Variants in PCDHA11 observed in about 807,000 individuals in gnomAD.
PCDHA11 encodes the protein protocadherin alpha-11.
PCDHA11 carries 61 observed loss-of-function variants against 70.3 expected under a neutral mutation model. That is an observed-to-expected ratio of 0.87 (90% confidence interval 0.71 to 1.07). The LOEUF is 1.07. Among genes scored for constraint, PCDHA11 ranks in the 50% least tolerant of loss-of-function variants. The probability of loss-of-function intolerance (pLI) is 0.00; values close to 1 mark genes in which losing one functional copy is unlikely to be tolerated. For synonymous variants in PCDHA11, 633 were observed against 555.1 expected, an observed-to-expected ratio of 1.14 and a Z score of -1.97; for missense variants, 1,324 against 1,237.5, an observed-to-expected ratio of 1.07 and a Z score of -1.05.
intron 1 of PCDHA11, among the ~76,000 whole-genome samples, chr5:140,952,940 G>A (rs2094821781): frequency 6.6e-6 from 1 of 152,066 alleles, no homozygotes. Context: ...AGGAGCAAGA[G>A]AGAGAGAAGG....
Position 141,010,026 on chromosome 5 carries a change from T to C in PCDHA11, c.*89T>C. On this transcript the variant is annotated 3_prime_UTR_variant, in exon 4 of 4. Transcript: ENST00000398640. ...AGCAATTCCCTGCTCCTTTTTCCTA[T>C]CTACATGAGCCCTCTTAGAGACCTC... 1 of 1,574,670 alleles carries C rather than the reference T, an allele frequency of 6.4e-7. No homozygotes were observed. The highest frequency in any genetic ancestry group is 8.6e-7 in the Non-Finnish European group (1 of 1,164,154).
intron 1 of PCDHA11, chr5:140,877,674 G>A: frequency 1.9e-6 from 3 of 1,613,628 alleles, no homozygotes; most frequent in South Asian, 1.1e-5. Flanking sequence ...GGTGCGCGCC[G>A]GGCAAGCCCA....
At chr5:140,885,297 T>G (rs565705321) in intron 1 of PCDHA11, among the ~76,000 whole-genome samples, 30 of 152,302 alleles carry the variant, frequency 2.0e-4, no homozygotes, top group Admixed American at 5.9e-4. Context: ...GAGAGAGACC[T>G]GGTAGGCTTT....
intron 1 of PCDHA11, among the ~76,000 whole-genome samples, chr5:140,939,289 A>G (rs1186126336): frequency 1.3e-5 from 2 of 152,102 alleles, no homozygotes; most frequent in African/African-American, 4.8e-5. Flanking sequence ...TCGTGATCTA[A>G]TCATCTCTAC....
intron 1 of PCDHA11, chr5:140,883,878 C>T: frequency 1.9e-6 from 3 of 1,613,260 alleles, no homozygotes; most frequent in Middle Eastern, 1.7e-4. Context: ...CAGGTGAGCG[C>T]GCGCGACTCT....
intron 3 of PCDHA11, among the ~76,000 whole-genome samples, chr5:140,997,680 G>A (rs954561672): frequency 6.6e-6 from 1 of 151,954 alleles, no homozygotes; most frequent in African/African-American, 2.4e-5. Context: ...GTGTGTGTGT[G>A]TGTGTGTGTG....
intron 1 of PCDHA11, among the ~76,000 whole-genome samples, chr5:140,952,530 A>C (rs246033): frequency 0.56 from 85,631 of 151,920 alleles, 24,768 homozygotes; most frequent in African/African-American, 0.69. Flanking sequence ...ACCTCCTCAG[A>C]CTGGACTTCT....
At chr5:140,894,044 T>C (rs2064295340) in intron 1 of PCDHA11, among the ~76,000 whole-genome samples, 1 of 152,190 alleles carries the variant, frequency 6.6e-6, no homozygotes, top group Admixed American at 6.5e-5. Context: ...ATGTAAGTCC[T>C]CTGTTGAATT....
At chr5:140,917,379 T>C (rs1393963383) in intron 1 of PCDHA11, among the ~76,000 whole-genome samples, 1 of 147,708 alleles carries the variant, frequency 6.8e-6, no homozygotes, top group African/African-American at 2.5e-5. Context: ...TCCACCTCAA[T>C]AGTCTGATGT....
chr5:140,974,043 TATG>T (rs1554235772), intron 1 of PCDHA11, among the ~76,000 whole-genome samples: 1 of 152,238 alleles, frequency 6.6e-6, no homozygotes, highest in Non-Finnish European at 1.5e-5. Flanking sequence ...AGCTTATTAA[TATG>T]ATAATATTTG....
chr5:140,961,071 G>T (rs1344860284), intron 1 of PCDHA11, among the ~76,000 whole-genome samples: 1 of 152,208 alleles, frequency 6.6e-6, no homozygotes, highest in Non-Finnish European at 1.5e-5. Flanking sequence ...GATATCTGGA[G>T]TATCAAGTAA....
chr5:140,967,111 T>G, intron 1 of PCDHA11: 1 of 1,612,990 alleles, frequency 6.2e-7, no homozygotes, highest in East Asian at 2.2e-5. Context: ...AGCAGCGGCC[T>G]CGCTGCCTGC....
At chr5:141,003,761 C>T (rs1371194132) in intron 3 of PCDHA11, among the ~76,000 whole-genome samples, 3 of 152,160 alleles carry the variant, frequency 2.0e-5, no homozygotes, top group Admixed American at 1.3e-4. Flanking sequence ...TAATTATGGT[C>T]GTATTCTGTT....
chr5:140,897,677 G>T (rs1390475923), intron 1 of PCDHA11, among the ~76,000 whole-genome samples: 1 of 152,168 alleles, frequency 6.6e-6, no homozygotes, highest in African/African-American at 2.4e-5. Flanking sequence ...ATAGCAGCAT[G>T]ATTTATAGTC....
In PCDHA11 at chr5:140,870,868, G is replaced by C. The variant is rs550915753; in HGVS notation, c.1765G>C (p.Val589Leu). 2 of 1,613,944 alleles carry C rather than the reference G, an allele frequency of 1.2e-6. No individual in the cohort carries two copies. Among genetic ancestry groups the C allele is most frequent in the Non-Finnish European group, 1.7e-6 (2 of 1,179,906 alleles). ...ACCGCGGTCGGTGGGTGCGGGCCAC[G>C]TGGTGGCGAAGGTGCGCGCAGTGGA... ...LVPRSVGAGH[V>L]VAKVRAVDAD... Residue 589 changes from valine (V) to leucine (L), a missense_variant, in exon 1 of 4, where the codon GTG (valine) becomes CTG (leucine). By Grantham distance (32) the Val-to-Leu change is conservative. Coordinates refer to ENST00000398640, the MANE Select transcript of PCDHA11 (RefSeq NM_018902.5).
intron 1 of PCDHA11, among the ~76,000 whole-genome samples, chr5:140,947,307 T>C (rs1329729103): frequency 6.6e-6 from 1 of 151,660 alleles, no homozygotes; most frequent in African/African-American, 2.4e-5. Context: ...GACATCTTTG[T>C]AAAAAGTCGG....
At chr5:140,884,469 C>T (rs371718634) in intron 1 of PCDHA11, 1 of 1,613,766 alleles carries the variant, frequency 6.2e-7, no homozygotes, top group Admixed American at 1.7e-5. Flanking sequence ...GCGTGCGCGC[C>T]GGGCAAGCCC....
intron 1 of PCDHA11, among the ~76,000 whole-genome samples, chr5:140,948,964 T>C (rs2094329348): frequency 6.6e-6 from 1 of 151,790 alleles, no homozygotes; most frequent in Non-Finnish European, 1.5e-5. Context: ...AGCCACGAAT[T>C]TATTAGTATG....
In PCDHA11 at chr5:141,011,816, A is replaced by G. The variant is rs1382441831; in HGVS notation, c.*1879A>G. The G allele has an allele frequency of 1.3e-5, 2 of 153,794 alleles. No homozygotes were observed. Among genetic ancestry groups the G allele is most frequent in the Admixed American group, 1.3e-4 (2 of 15,280 alleles). The allele number at this position is 153,794 out of a possible 1,614,324, so 9.5% of individuals were successfully genotyped here. On this transcript the variant is annotated 3_prime_UTR_variant, in exon 4 of 4. Transcript: ENST00000398640. ...TCTGAAATATCAGCTCATAGAAAGT[A>G]ACAAAATTTGCTGTCACCTTAAATA...
Sources: gnomAD v4.1 joint callset for allele counts (sites outside exome capture counted in the v4.1 genomes callset) on GRCh38, gnomAD v4.1.1 for gene constraint, MANE v1.5 for transcripts, NCBI Gene and HGNC (gene_info 2026-07-23, HGNC 2026-07-21) for gene names.